Variants in KIAA0319L observed in about 807,000 individuals in gnomAD.
The protein encoded by KIAA0319L is KIAA0319 like.
A neutral mutation model predicts 120.1 loss-of-function variants in KIAA0319L; 55 were observed. The observed-to-expected ratio is 0.46, with a 90% CI of 0.37 to 0.57. The LOEUF (loss-of-function observed/expected upper bound fraction) is 0.57. KIAA0319L is among the 20% of genes least tolerant of loss of function. The probability of loss-of-function intolerance (pLI) is 0.00; values close to 1 mark genes in which losing one functional copy is unlikely to be tolerated. For missense variants in KIAA0319L, 1,049 were observed against 1,255.3 expected (o/e 0.84, Z 2.48); for synonymous variants, 398 against 471.9 (o/e 0.84, Z 2.03).
chr1:35,466,460 A>G (rs975326237), intron 7 of KIAA0319L, 148 bp downstream of exon 7: 1 of 615,168 alleles, frequency 1.6e-6, no homozygotes, highest in African/African-American at 1.8e-5. Flanking sequence ...GTATTTTGCT[A>G]TTGTAACTAT....
intron 20 of KIAA0319L, chr1:35,439,260 A>G (rs923069964): frequency 2.0e-5 from 3 of 152,140 alleles, no homozygotes; most frequent in Admixed American, 6.5e-5. Flanking sequence ...CTGGAATGCT[A>G]TTTCCTGCAG....
intron 2 of KIAA0319L, among the ~76,000 whole-genome samples, chr1:35,553,701 A>C (rs1647496885): frequency 8.0e-6 from 1 of 124,900 alleles, no homozygotes; most frequent in Non-Finnish European, 1.6e-5. Flanking sequence ...CAATATCAAC[A>C]AAAGAACTTG....
chr1:35,462,673 A>C lies in KIAA0319L; in HGVS notation c.1242T>G (p.Pro414=). ...TTGGCAAAGAGATCTCCTGGAACTGAGGTGACACAATAGCAATGGGGGGCC... is the reference window on the plus strand; with the variant it reads ...TTGGCAAAGAGATCTCCTGGAACTGCGGTGACACAATAGCAATGGGGGGCC... The part of the protein sequence containing the change: ...KNRPPIAIVS[P]QFQEISLPTT... Residue 414 remains proline, a synonymous_variant, in exon 8 of 21, where the codon CCT becomes CCG. Transcript: ENST00000325722. 2 of 1,614,162 alleles carry C rather than the reference A, an allele frequency of 1.2e-6. No individual in the cohort carries two copies. The highest frequency in any genetic ancestry group is 1.7e-6 in the Non-Finnish European group (2 of 1,179,988).
chr1:35,539,913 T>C (rs1314617897), intron 2 of KIAA0319L, among the ~76,000 whole-genome samples: 1 of 152,230 alleles, frequency 6.6e-6, no homozygotes, highest in Non-Finnish European at 1.5e-5. Context: ...TGAATCAATG[T>C]TACCCCCCAC....
At chr1:35,534,858 C>CAAAAAAAAAAAAA (rs779838672) in intron 2 of KIAA0319L, among the ~76,000 whole-genome samples, 2 of 42,632 alleles carry the variant, frequency 4.7e-5, no homozygotes, top group Non-Finnish European at 1.1e-4. Flanking sequence ...GACTCCGTCT[C>CAAAAAAAAAAAAA]AAAAAAAAAA....
chr1:35,495,654 TTTG>T (rs1644774239), intron 3 of KIAA0319L, among the ~76,000 whole-genome samples: 1 of 151,834 alleles, frequency 6.6e-6, no homozygotes, highest in African/African-American at 2.4e-5. Flanking sequence ...TGTTTGTTTG[TTTG>T]TTGTTGTTTT....
intron 2 of KIAA0319L, among the ~76,000 whole-genome samples, chr1:35,515,923 C>G (rs1486870340): frequency 6.6e-6 from 1 of 152,126 alleles, no homozygotes; most frequent in African/African-American, 2.4e-5. Flanking sequence ...ACTTGATCAC[C>G]TCTATGCATA....
chr1:35,468,323 G>GTTC (rs1376476400), intron 6 of KIAA0319L, among the ~76,000 whole-genome samples: 2 of 152,020 alleles, frequency 1.3e-5, no homozygotes, highest in Non-Finnish European at 2.9e-5. Context: ...AATGATGGGT[G>GTTC]TTCCCAGGAT....
In KIAA0319L at chr1:35,554,381, GC is replaced by G; in HGVS notation, c.110del (p.Cys37SerfsTer29). On this transcript the variant is annotated frameshift_variant, in exon 2 of 21. Transcript: ENST00000325722. LOFTEE classifies it high-confidence loss of function. ...ACAACCACAGAACGCTGAAGCAAAA[GC>G]AAGTATAAAACAGGTACAGGCTTCT... ...WLRSLYLFYT[C>X]FCFSVLWLST... 1.2e-6 allele frequency: 2 copies of G among 1,607,046 alleles called. No individual in the cohort carries two copies. The highest frequency in any genetic ancestry group is 1.7e-6 in the Non-Finnish European group (2 of 1,177,838).
chr1:35,440,678 C>T lies in KIAA0319L; in HGVS notation c.2962+369G>A, dbSNP rs1410946953. 2.3e-5 allele frequency: 5 copies of T among 215,518 alleles called. No individual in the cohort carries two copies. The Admixed American group carries it at 2.6e-4, about 11-fold the overall frequency. 13.4% of individuals were successfully genotyped at this position (215,518 alleles called of 1,614,324 possible). A position where few individuals can be genotyped will look rare whatever the true frequency, so the allele number is the denominator to read the frequency against. Reference sequence around the variant, plus strand: ...AGCTGGCAGACACGGGCCTGGGTCTCATCTCTGCCCATAAAGCACAGACTG... The same window carrying T: ...AGCTGGCAGACACGGGCCTGGGTCTTATCTCTGCCCATAAAGCACAGACTG... On this transcript the variant is annotated intron_variant, in intron 20 of 20. Coordinates refer to ENST00000325722, the MANE Select transcript of KIAA0319L (RefSeq NM_024874.5).
chr1:35,545,368 C>T (rs1167504380), intron 2 of KIAA0319L, among the ~76,000 whole-genome samples: 1 of 152,162 alleles, frequency 6.6e-6, no homozygotes, highest in African/African-American at 2.4e-5. Context: ...CTACTCTGAA[C>T]CTCTCCTCAC....
At chr1:35,482,206 G>T (rs1644201034) in intron 3 of KIAA0319L, among the ~76,000 whole-genome samples, 1 of 151,808 alleles carries the variant, frequency 6.6e-6, no homozygotes, top group South Asian at 2.1e-4. Flanking sequence ...TTTGAGAGGG[G>T]CAGTCTGGCT....
At chr1:35,469,221 G>A (rs917599112) in intron 6 of KIAA0319L, among the ~76,000 whole-genome samples, 2 of 152,118 alleles carry the variant, frequency 1.3e-5, no homozygotes, top group Non-Finnish European at 2.9e-5. Flanking sequence ...TGGAGTTAGA[G>A]TTTCACCATG....
At chr1:35,534,744 A>T (rs941271593) in intron 2 of KIAA0319L, among the ~76,000 whole-genome samples, 8 of 151,778 alleles carry the variant, frequency 5.3e-5, no homozygotes, top group African/African-American at 1.9e-4. Flanking sequence ...CTGTAATCCC[A>T]GCTACTCAGG....
chr1:35,500,000 G>A (rs1644946878), intron 3 of KIAA0319L, among the ~76,000 whole-genome samples: 1 of 152,142 alleles, frequency 6.6e-6, no homozygotes, highest in East Asian at 1.9e-4. Context: ...GGCTATCTGG[G>A]TGCTTGGCTC....
chr1:35,441,257 T>A, intron 19 of KIAA0319L, 119 bp from the exon 20 acceptor site: 1 of 761,162 alleles, frequency 1.3e-6, no homozygotes, highest in Non-Finnish European at 2.3e-6. Context: ...AGGGGTGTCC[T>A]CTCCTCACTT....
rs549946557 is a variant in KIAA0319L, at chr1:35,526,152, G to A, written c.143-19017C>T. Among the ~76,000 whole-genome samples, 10 of 151,562 alleles carry A rather than the reference G, an allele frequency of 6.6e-5. No homozygotes were observed. In the South Asian group the frequency reaches 1.7e-3, roughly 25 times the overall value. Reference sequence around the variant, plus strand: ...TCAAAAATCAATTGGCTATTAATACGTGGGTTTATTTCTGAGTTCTCTGTT... The same window carrying A: ...TCAAAAATCAATTGGCTATTAATACATGGGTTTATTTCTGAGTTCTCTGTT... On this transcript the variant is annotated intron_variant, in intron 2 of 20. Transcript: ENST00000325722.
Position 35,434,982 on chromosome 1 carries a change from TTC to T in KIAA0319L, c.3060_3061del (p.Lys1021GlyfsTer67). ...ATTCTGACCATGCAGGAGTTTGCCC[TTC>T]TCTCGGTCTGGCCATGTAAAGATGG... On this transcript the variant is annotated frameshift_variant, in exon 21 of 21. Transcript: ENST00000325722. LOFTEE classifies it high-confidence loss of function. 6.2e-7 allele frequency: 1 copy of T among 1,614,214 alleles called. No homozygotes were observed. Among genetic ancestry groups the T allele is most frequent in the South Asian group, 1.1e-5 (1 of 91,088 alleles).
chr1:35,465,952 C>T (rs1643233988), intron 7 of KIAA0319L, among the ~76,000 whole-genome samples: 1 of 152,092 alleles, frequency 6.6e-6, no homozygotes, highest in South Asian at 2.1e-4. Context: ...GTGAGGCCTC[C>T]CCAGCCACGT....
Sources: allele counts gnomAD v4.1 joint callset (sites outside exome capture counted in the v4.1 genomes callset), GRCh38; gene constraint gnomAD v4.1.1; transcripts MANE v1.5; gene names NCBI Gene and HGNC (gene_info 2026-07-23, HGNC 2026-07-21).